The following CDH22 variants were observed in gnomAD, a reference collection of about 807,000 sequenced individuals.
The protein encoded by CDH22 is cadherin 22, also known as cadherin-22.
Under a neutral mutation model 58.4 loss-of-function variants are expected in CDH22, and 30 were observed. The observed-to-expected ratio is 0.51, with a 90% CI of 0.38 to 0.70. CDH22 has a LOEUF of 0.70. Among genes scored for constraint, CDH22 ranks in the 30% least tolerant of loss-of-function variants. The pLI is 0.00. For missense variants in CDH22, 1,014 were observed against 1,233.9 expected, an observed-to-expected ratio of 0.82 and a Z score of 2.67; for synonymous variants, 513 against 558.2, an observed-to-expected ratio of 0.92 and a Z score of 1.14.
At position 46,186,641 on chromosome 20, in the gene CDH22, C is replaced by T. The variant is rs202148153; in HGVS notation, c.1610G>A (p.Arg537His). ...EPQGGHRFYF[R>H]LVPEAPSNPH... ...GTTGCTGGGAGCTTCAGGCACCAGGCGGAAATAGAAGCGGTGCCCGCCTTG... is the reference window on the plus strand; with the variant it reads ...GTTGCTGGGAGCTTCAGGCACCAGGTGGAAATAGAAGCGGTGCCCGCCTTG... The change falls in exon 10 of 12, where the codon CGC (arginine) becomes CAC (histidine). Residue 537 changes from arginine (R) to histidine (H), a missense_variant. Coordinates refer to ENST00000537909, the MANE Select transcript of CDH22 (RefSeq NM_021248.3). The T allele has an allele frequency of 1.4e-5, 22 of 1,613,346 alleles. No homozygotes were observed. The highest frequency in any genetic ancestry group is 4.5e-5 in the East Asian group (2 of 44,856).
At chr20:46,305,969 A>C (rs2086674648) in intron 1 of CDH22, among the ~76,000 whole-genome samples, 1 of 152,214 alleles carries the variant, frequency 6.6e-6, no homozygotes, top group South Asian at 2.1e-4. Context: ...CACGACCAGA[A>C]ACATCCAGAG....
At chr20:46,227,452 G>GC in intron 4 of CDH22, 56 bp downstream of exon 4, 241 of 1,013,204 alleles carry the variant, frequency 2.4e-4, no homozygotes, top group Admixed American at 6.4e-4. Context: ...TCCTCGTCCC[G>GC]CCCCGCCCCT....
intron 8 of CDH22, among the ~76,000 whole-genome samples, chr20:46,187,401 A>G (rs1360028545): frequency 6.6e-6 from 1 of 151,610 alleles, no homozygotes; most frequent in African/African-American, 2.4e-5. Context: ...CACCATCACC[A>G]TCCTTATACT....
At chr20:46,218,313 A>G (rs2086100208) in intron 4 of CDH22, among the ~76,000 whole-genome samples, 1 of 151,886 alleles carries the variant, frequency 6.6e-6, no homozygotes, top group East Asian at 1.9e-4. Flanking sequence ...CAACTGTGTG[A>G]CTCCCCTGGG....
intron 1 of CDH22, among the ~76,000 whole-genome samples, chr20:46,276,139 CAAAT>C (rs1345235177): frequency 1.3e-5 from 2 of 152,096 alleles, no homozygotes; most frequent in African/African-American, 4.8e-5. Context: ...TGGGCACATC[CAAAT>C]ATGTAGCAGT....
intron 2 of CDH22, among the ~76,000 whole-genome samples, chr20:46,242,385 A>T (rs1215606877): frequency 6.6e-6 from 1 of 152,178 alleles, no homozygotes; most frequent in Non-Finnish European, 1.5e-5. Flanking sequence ...TGGCTCTGAC[A>T]TCGCCTCCCT....
rs1027883989 is a variant in CDH22, at chr20:46,251,163, C to T, written c.132G>A (p.Pro44=). 1 of 1,585,766 alleles carries T rather than the reference C, an allele frequency of 6.3e-7. No individual in the cohort carries two copies. The highest frequency in any genetic ancestry group is 8.6e-7 in the Non-Finnish European group (1 of 1,167,420). Residue 44 remains proline, a synonymous_variant, in exon 2 of 12, where the codon CCG becomes CCA. Coordinates refer to ENST00000537909, the MANE Select transcript of CDH22 (RefSeq NM_021248.3). This position sits in a 1 kb window ranked among gnomAD's most constrained non-coding sequence, Gnocchi z 6.7. ...CGTCCTGCCGAGCTCCGGGCGCCGA[C>T]GGCGAGGGTGTGCCCGCTGCCCACA... is the stretch of plus-strand genomic sequence containing the variant. The part of the protein sequence containing the change: ...GRLWAAGTPS[P]SAPGARQDGA...
intron 1 of CDH22, among the ~76,000 whole-genome samples, chr20:46,271,797 T>A (rs2086491095): frequency 6.6e-6 from 1 of 152,228 alleles, no homozygotes. Flanking sequence ...CTCCTCACTC[T>A]TTCCCTGGGC....
Position 46,186,618 on chromosome 20 carries a change from T to C in CDH22, c.1633A>G (p.Asn545Asp). 6.2e-7 allele frequency: 1 copy of C among 1,612,656 alleles called. No homozygotes were observed. Among genetic ancestry groups the C allele is most frequent in the Non-Finnish European group, 8.5e-7 (1 of 1,179,902 alleles). Reference sequence around the variant, plus strand: ...ATGTCAAGCAGAGAGAAATGAGGGTTGCTGGGAGCTTCAGGCACCAGGCGG... The same window carrying C: ...ATGTCAAGCAGAGAGAAATGAGGGTCGCTGGGAGCTTCAGGCACCAGGCGG... ...YFRLVPEAPS[N>D]PHFSLLDIQD... Residue 545 changes from asparagine (N) to aspartate (D), a missense_variant, in exon 10 of 12, where the codon AAC (asparagine) becomes GAC (aspartate). This residue lies in a region of CDH22 where 806 missense variants were observed against 1,038.7 expected (regional missense o/e 0.78). Transcript: ENST00000537909.
chr20:46,190,863 C>T (rs1031640351), intron 8 of CDH22, among the ~76,000 whole-genome samples: 2 of 152,102 alleles, frequency 1.3e-5, no homozygotes, highest in African/African-American at 4.8e-5. Context: ...CTCAGGGTGC[C>T]TAGGGTAGAG....
chr20:46,298,983 C>T (rs923021362), intron 1 of CDH22, among the ~76,000 whole-genome samples: 16 of 152,280 alleles, frequency 1.1e-4, no homozygotes, highest in African/African-American at 3.1e-4. Flanking sequence ...CAGCTGTCCC[C>T]GTCTGTTGCC....
In CDH22 at chr20:46,174,755, C is replaced by T; in HGVS notation, c.2238G>A (p.Val746=). Residue 746 remains valine, a synonymous_variant, in exon 12 of 12, where the codon GTG becomes GTA. Transcript: ENST00000537909. This position sits in a 1 kb window ranked among gnomAD's most constrained non-coding sequence, Gnocchi z 4.4. ...CCTTGCGGCTGATGAAGTCCCTGAA[C>T]ACTGAGAAGTCTGGCTCGGGGCTCG... ...GPPSPEPDFS[V]FRDFISRKVA... 3 of 1,545,290 alleles carry T rather than the reference C, an allele frequency of 1.9e-6. No individual in the cohort carries two copies. The highest frequency in any genetic ancestry group is 2.4e-5 in the East Asian group (1 of 41,622).
chr20:46,181,096 T>C (rs1353661481), intron 10 of CDH22, among the ~76,000 whole-genome samples: 1 of 151,980 alleles, frequency 6.6e-6, no homozygotes, highest in Non-Finnish European at 1.5e-5. Flanking sequence ...AAATCTTTAT[T>C]AACTACTATG....
At chr20:46,184,128 C>G (rs368799080) in intron 10 of CDH22, among the ~76,000 whole-genome samples, 27 of 150,600 alleles carry the variant, frequency 1.8e-4, no homozygotes, top group African/African-American at 6.6e-4. Context: ...GATGGAGTTT[C>G]GCTCTTGTTG....
chr20:46,227,468 C>G, intron 4 of CDH22, 40 bp downstream of exon 4: 4 of 1,430,466 alleles, frequency 2.8e-6, no homozygotes, highest in Non-Finnish European at 3.8e-6. Flanking sequence ...CCCCTGGCCC[C>G]GCCCCACGGC....
Position 46,187,004 on chromosome 20 carries a change from C to G in CDH22, c.1424-57G>C, listed in dbSNP as rs2085831372. On this transcript the variant is annotated intron_variant, in intron 8 of 11. Transcript: ENST00000537909. ...GCATCAAGTGGGAGATCTAGATAGC[C>G]TCCTCTCTACTATGAGGACAATAGT... 6.0e-6 allele frequency: 9 copies of G among 1,510,916 alleles called. No individual in the cohort carries two copies. The East Asian group carries it at 1.8e-4, about 31-fold the overall frequency. The allele number at this position is 1,510,916 out of a possible 1,614,324, so 93.6% of individuals were successfully genotyped here.
chr20:46,183,034 C>T (rs753654385), intron 10 of CDH22, among the ~76,000 whole-genome samples: 35 of 152,044 alleles, frequency 2.3e-4, no homozygotes, highest in Non-Finnish European at 3.7e-4. Flanking sequence ...CCCAGCTAAA[C>T]AAAAGCAACT....
intron 1 of CDH22, among the ~76,000 whole-genome samples, chr20:46,277,609 A>T (rs2086525369): frequency 6.6e-6 from 1 of 152,044 alleles, no homozygotes; most frequent in Admixed American, 6.5e-5. Context: ...GGTGGGAGGA[A>T]TAGCAGAAGA....
At chr20:46,302,540 T>C (rs1385039891) in intron 1 of CDH22, among the ~76,000 whole-genome samples, 1 of 152,180 alleles carries the variant, frequency 6.6e-6, no homozygotes. Flanking sequence ...GAGTCACGTG[T>C]GCCTGGCTGG....
Sources: gnomAD v4.1 joint callset for allele counts (sites outside exome capture counted in the v4.1 genomes callset) on GRCh38, gnomAD v4.1.1 for gene constraint, gnomAD v4.1.1 regional missense constraint, Gnocchi (gnomAD v3.1) non-coding constraint, MANE v1.5 for transcripts, NCBI Gene and HGNC (gene_info 2026-07-23, HGNC 2026-07-21) for gene names.